RFTN1: variants seen among roughly 807,000 people sequenced by gnomAD.
RFTN1 encodes the protein raftlin.
RFTN1 carries 26 observed loss-of-function variants against 46.5 expected under a neutral mutation model. That is an observed-to-expected ratio of 0.56 (90% CI 0.41 to 0.78). RFTN1 has a LOEUF of 0.78. Among genes scored for constraint, RFTN1 ranks in the 30% least tolerant of loss-of-function variants. RFTN1 has a pLI of 0.00. For missense variants in RFTN1, 693 were observed against 718.7 expected (o/e 0.96, Z 0.41); for synonymous variants, 261 against 284.2 (o/e 0.92, Z 0.82).
intron 3 of RFTN1, among the ~76,000 whole-genome samples, chr3:16,423,402 A>G (rs1410425413): frequency 2.0e-5 from 3 of 152,212 alleles, no homozygotes; most frequent in Admixed American, 1.3e-4. Context: ...TGTCAATAGT[A>G]CCAAGGCTGA....
rs1181891971 is a variant in RFTN1, at chr3:16,457,653, T to G, written c.146-23616A>C. 6.6e-6 allele frequency among the ~76,000 whole-genome samples: 1 copy of G among 152,210 alleles called. No homozygotes were observed. Among genetic ancestry groups the G allele is most frequent in the Non-Finnish European group, 1.5e-5 (1 of 68,036 alleles). ...GGTGCCTCTGATTGAAAGTGGCAAG[T>G]GCTGCCTGAAACAAAAATTACATTA... On this transcript the variant is annotated intron_variant, in intron 2 of 9. Transcript: ENST00000334133. This position sits in a 1 kb window ranked among gnomAD's most constrained non-coding sequence, Gnocchi z 4.2.
chr3:16,388,247 C>G (rs556458810), intron 4 of RFTN1, among the ~76,000 whole-genome samples: 1 of 152,286 alleles, frequency 6.6e-6, no homozygotes, highest in East Asian at 1.9e-4. Context: ...ACTGGTTTTC[C>G]TAGCTGGATG....
Position 16,345,816 on chromosome 3 carries a change from G to GTA in RFTN1, c.1146+12115_1146+12116insTA, listed in dbSNP as rs2071645201. 8.1e-6 allele frequency among the ~76,000 whole-genome samples: 1 copy of GTA among 123,204 alleles called. No homozygotes were observed. The highest frequency in any genetic ancestry group is 1.7e-5 in the Non-Finnish European group (1 of 59,338). 80.8% of individuals were successfully genotyped at this position (123,204 alleles called of 152,430 possible). A position where few individuals can be genotyped will look rare whatever the true frequency, so the allele number is the denominator to read the frequency against. On this transcript the variant is annotated intron_variant, in intron 7 of 9. Coordinates refer to ENST00000334133, the MANE Select transcript of RFTN1 (RefSeq NM_015150.2). The surrounding 1 kb of genome is among the most constrained non-coding windows in gnomAD (Gnocchi z 5.2). ...TGTGTGTGTGTGTGTGTGTGTGTGT[G>GTA]TGCGCGCGCGCGTGCGCGCACGCGC...
intron 2 of RFTN1, among the ~76,000 whole-genome samples, chr3:16,461,844 C>T (rs2124929253): frequency 6.6e-6 from 1 of 152,322 alleles, no homozygotes; most frequent in East Asian, 1.9e-4. Flanking sequence ...CAGCAAACTC[C>T]TGTCAGTTTC....
chr3:16,445,405 T>A (rs1014097676), intron 2 of RFTN1, among the ~76,000 whole-genome samples: 2 of 151,890 alleles, frequency 1.3e-5, no homozygotes, highest in Non-Finnish European at 2.9e-5. Context: ...TCTCTCCTGC[T>A]CTTTCTCTTT....
At position 16,404,245 on chromosome 3, in the gene RFTN1, TATATATAATATATA is replaced by T. The variant is rs1318451688; in HGVS notation, c.441+5116_441+5129del. Among the ~76,000 whole-genome samples, 4 of 9,988 alleles carry T rather than the reference TATATATAATATATA, an allele frequency of 4.0e-4. 1 individual carries two copies. The highest frequency in any genetic ancestry group is 2.1e-3 in the African/African-American group (4 of 1,888). The allele number at this position is 9,988 out of a possible 152,430, so 6.6% of individuals were successfully genotyped here. On this transcript the variant is annotated intron_variant, in intron 4 of 9. Transcript: ENST00000334133. Reference sequence around the variant, plus strand: ...TATATTTTATATATAATATATATTTTATATATAATATATAATATATAATATATATAATATGTAAT... The same window carrying T: ...TATATTTTATATATAATATATATTTTATATATAATATATATAATATGTAAT...
In RFTN1 at chr3:16,385,830, G is replaced by A. The variant is rs1248817217; in HGVS notation, c.442-7728C>T. On this transcript the variant is annotated intron_variant, in intron 4 of 9. Coordinates refer to ENST00000334133, the MANE Select transcript of RFTN1 (RefSeq NM_015150.2). This position sits in a 1 kb window ranked among gnomAD's most constrained non-coding sequence, Gnocchi z 5.0. ...TGCCCATCAGCAGAATTCAACATAT[G>A]TGTGGTTGTCTGCATTCAGAACAGG... 2.6e-5 allele frequency among the ~76,000 whole-genome samples: 4 copies of A among 152,148 alleles called. No homozygotes were observed. Among genetic ancestry groups the A allele is most frequent in the Admixed American group, 2.6e-4 (4 of 15,288 alleles).
chr3:16,378,019 A>ACTG lies in RFTN1; in HGVS notation c.522_524dup (p.Ser175dup). The ACTG allele has an allele frequency of 6.2e-7, 1 of 1,614,244 alleles. No individual in the cohort carries two copies. Among genetic ancestry groups the ACTG allele is most frequent in the Non-Finnish European group, 8.5e-7 (1 of 1,180,042 alleles). On this transcript the variant is annotated inframe_insertion, in exon 5 of 10. Coordinates refer to ENST00000334133, the MANE Select transcript of RFTN1 (RefSeq NM_015150.2). ...TGCTGTTGGCAGTAGACACCGGAGC[A>ACTG]CTGCTGCCTGCCGAGTTCACAGAGG...
In RFTN1 at chr3:16,433,408, G is replaced by C. The variant is rs1433018492; in HGVS notation, c.332+443C>G. ...CTGTCAAGTGATTGACAGAATTTAT[G>C]GTAGGCGCAAAATGTTAAAGTATTT... On this transcript the variant is annotated intron_variant, in intron 3 of 9. Coordinates refer to ENST00000334133, the MANE Select transcript of RFTN1 (RefSeq NM_015150.2). This position sits in a 1 kb window ranked among gnomAD's most constrained non-coding sequence, Gnocchi z 4.4. 6.6e-6 allele frequency among the ~76,000 whole-genome samples: 1 copy of C among 152,210 alleles called. No homozygotes were observed. Among genetic ancestry groups the C allele is most frequent in the South Asian group, 2.1e-4 (1 of 4,822 alleles).
At chr3:16,379,396 T>C (rs2073903132) in intron 4 of RFTN1, among the ~76,000 whole-genome samples, 1 of 152,276 alleles carries the variant, frequency 6.6e-6, no homozygotes. Context: ...AGACCTACTA[T>C]GTCTAGGCAT....
At position 16,384,053 on chromosome 3, in the gene RFTN1, G is replaced by C. The variant is rs1021767824; in HGVS notation, c.442-5951C>G. Among the ~76,000 whole-genome samples, 7 of 152,198 alleles carry C rather than the reference G, an allele frequency of 4.6e-5. No homozygotes were observed. Among genetic ancestry groups the C allele is most frequent in the African/African-American group, 1.4e-4 (6 of 41,452 alleles). On this transcript the variant is annotated intron_variant, in intron 4 of 9. Coordinates refer to ENST00000334133, the MANE Select transcript of RFTN1 (RefSeq NM_015150.2). This position sits in a 1 kb window ranked among gnomAD's most constrained non-coding sequence, Gnocchi z 4.7. ...GGTAAAGTGGATTCCTCCATTATTA[G>C]GTGGGTCTCATCTAATCAGGTGAAG... is the stretch of plus-strand genomic sequence containing the variant.
Position 16,425,304 on chromosome 3 carries a change from A to T in RFTN1, c.332+8547T>A, listed in dbSNP as rs116695850. On this transcript the variant is annotated intron_variant, in intron 3 of 9. Coordinates refer to ENST00000334133, the MANE Select transcript of RFTN1 (RefSeq NM_015150.2). This position sits in a 1 kb window ranked among gnomAD's most constrained non-coding sequence, Gnocchi z 4.3. Reference sequence around the variant, plus strand: ...ATTTAAAAACAAATACAGACATTTCATGGTACTGAAGTATTCACCCAAGTT... The same window carrying T: ...ATTTAAAAACAAATACAGACATTTCTTGGTACTGAAGTATTCACCCAAGTT... Among the ~76,000 whole-genome samples the T allele has an allele frequency of 2.6e-5, 4 of 152,304 alleles. No individual in the cohort carries two copies. Among genetic ancestry groups the T allele is most frequent in the East Asian group, 3.9e-4 (2 of 5,180 alleles).
rs935587871 is a variant in RFTN1, at chr3:16,484,171, T to C, written c.145+9554A>G. Among the ~76,000 whole-genome samples, 2 of 152,216 alleles carry C rather than the reference T, an allele frequency of 1.3e-5. No individual in the cohort carries two copies. The highest frequency in any genetic ancestry group is 4.8e-5 in the African/African-American group (2 of 41,456). ...TCATTTCTTAATTTTCAGAATATAATGTAAATCATGATCCATTTTTTTAGA... is the reference window on the plus strand; with the variant it reads ...TCATTTCTTAATTTTCAGAATATAACGTAAATCATGATCCATTTTTTTAGA... On this transcript the variant is annotated intron_variant, in intron 2 of 9. Transcript: ENST00000334133. The surrounding 1 kb of genome is among the most constrained non-coding windows in gnomAD (Gnocchi z 4.6).
chr3:16,383,489 A>G lies in RFTN1; in HGVS notation c.442-5387T>C, dbSNP rs1208158702. On this transcript the variant is annotated intron_variant, in intron 4 of 9. Coordinates refer to ENST00000334133, the MANE Select transcript of RFTN1 (RefSeq NM_015150.2). The surrounding 1 kb of genome is among the most constrained non-coding windows in gnomAD (Gnocchi z 4.0). ...TATTTCTTTTTAAAAAAATGTAGTTATATAAAAAGTCACAAGTCATTGTAA... is the reference window on the plus strand; with the variant it reads ...TATTTCTTTTTAAAAAAATGTAGTTGTATAAAAAGTCACAAGTCATTGTAA... 2.0e-5 allele frequency among the ~76,000 whole-genome samples: 3 copies of G among 152,252 alleles called. No individual in the cohort carries two copies. Among genetic ancestry groups the G allele is most frequent in the African/African-American group, 4.8e-5 (2 of 41,464 alleles).
At position 16,377,992 on chromosome 3, in the gene RFTN1, G is replaced by C. The variant is rs371329309; in HGVS notation, c.552C>G (p.Thr184=). The change falls in exon 5 of 10, where the codon ACC becomes ACG. Residue 184 remains threonine (T), a synonymous_variant. Coordinates refer to ENST00000334133, the MANE Select transcript of RFTN1 (RefSeq NM_015150.2). ...SSAPVSTANS[T]EDARDAKNAR... is the part of the protein sequence containing the mutation. ...CGTTTTTTGCATCTCTGGCATCCTC[G>C]GTGCTGTTGGCAGTAGACACCGGAG... The C allele has an allele frequency of 6.2e-7, 1 of 1,614,204 alleles. No homozygotes were observed. The highest frequency in any genetic ancestry group is 2.2e-5 in the East Asian group (1 of 44,890).
rs576767575 is a variant in RFTN1, at chr3:16,475,057, A to C, written c.145+18668T>G. ...CTTGCTGTCCTCCTTCGAGGTAATG[A>C]GTGAGTTCACGTGAGAACTGGTTGT... On this transcript the variant is annotated intron_variant, in intron 2 of 9. Transcript: ENST00000334133. This position sits in a 1 kb window ranked among gnomAD's most constrained non-coding sequence, Gnocchi z 4.2. Among the ~76,000 whole-genome samples, 13 of 152,244 alleles carry C rather than the reference A, an allele frequency of 8.5e-5. No individual in the cohort carries two copies. The highest frequency in any genetic ancestry group is 3.1e-4 in the African/African-American group (13 of 41,542).
In RFTN1 at chr3:16,458,860, A is replaced by C. The variant is rs545930949; in HGVS notation, c.146-24823T>G. ...CTAGCAGATTAGAAGTACAAAAATCAGGGGAGTCATCTGAAAACATGGTGC... is the reference window on the plus strand; with the variant it reads ...CTAGCAGATTAGAAGTACAAAAATCCGGGGAGTCATCTGAAAACATGGTGC... On this transcript the variant is annotated intron_variant, in intron 2 of 9. Coordinates refer to ENST00000334133, the MANE Select transcript of RFTN1 (RefSeq NM_015150.2). This position sits in a 1 kb window ranked among gnomAD's most constrained non-coding sequence, Gnocchi z 5.1. Among the ~76,000 whole-genome samples, 42 of 152,194 alleles carry C rather than the reference A, an allele frequency of 2.8e-4. 1 individual carries two copies. Among genetic ancestry groups the C allele is most frequent in the Non-Finnish European group, 4.7e-4 (32 of 68,030 alleles).
chr3:16,508,574 A>G (rs1249531196), intron 1 of RFTN1, among the ~76,000 whole-genome samples: 1 of 152,198 alleles, frequency 6.6e-6, no homozygotes, highest in African/African-American at 2.4e-5. Flanking sequence ...ATTTTTTATG[A>G]GAAAGTGTCT....
intron 4 of RFTN1, among the ~76,000 whole-genome samples, chr3:16,389,576 C>A (rs1226920500): frequency 1.3e-5 from 2 of 152,078 alleles, no homozygotes; most frequent in Admixed American, 1.3e-4. Context: ...GTCCAATAAC[C>A]CTTATATTCA....
Sources: gnomAD v4.1 joint callset for allele counts (sites outside exome capture counted in the v4.1 genomes callset) on GRCh38, gnomAD v4.1.1 for gene constraint, Gnocchi (gnomAD v3.1) non-coding constraint, MANE v1.5 for transcripts, NCBI Gene and HGNC (gene_info 2026-07-23, HGNC 2026-07-21) for gene names.